Variants in ESRRG observed in about 807,000 individuals in gnomAD.
ESRRG encodes estrogen-related receptor gamma.
Under a neutral mutation model 44.0 loss-of-function variants are expected in ESRRG, and 13 were observed. The ratio of observed to expected loss-of-function variants is 0.30; its 90% CI spans 0.19 to 0.47. ESRRG has a LOEUF of 0.47. Among genes scored for constraint, ESRRG ranks in the 20% least tolerant of loss-of-function variants. ESRRG has a pLI of 1.00. For missense variants in ESRRG, 395 were observed against 580.6 expected (o/e 0.68, Z 3.29); for synonymous variants, 215 against 214.6 (o/e 1.00, Z -0.02).
chr1:216,783,102 G>T (rs1191583752), intron 2 of ESRRG, among the ~76,000 whole-genome samples: 1 of 151,940 alleles, frequency 6.6e-6, no homozygotes, highest in African/African-American at 2.4e-5. Context: ...TCTCACGGTG[G>T]CTGGGATTCC....
At position 216,935,850 on chromosome 1, in the gene ESRRG, C is replaced by T. The variant is rs148859618; in HGVS notation, c.-14+3732G>A. 4.5e-3 allele frequency among the ~76,000 whole-genome samples: 677 copies of T among 152,126 alleles called. 18 individuals are homozygous for T. The highest frequency in any genetic ancestry group is 0.038 in the Admixed American group (578 of 15,282). On this transcript the variant is annotated intron_variant, in intron 2 of 7. Coordinates refer to the ESRRG transcript ENST00000359162. ...CAGGCTGGTCTTGAACTCCTGACCT[C>T]GTGACCTGCCTGCCTCGGCCTCCCA... is the stretch of plus-strand genomic sequence containing the variant.
intron 1 of ESRRG, among the ~76,000 whole-genome samples, chr1:217,038,458 T>A (rs555570828): frequency 1.3e-5 from 2 of 152,220 alleles, no homozygotes; most frequent in Non-Finnish European, 2.9e-5. Flanking sequence ...AGTGATATGG[T>A]TTGGCTCTGT....
intron 4 of ESRRG, among the ~76,000 whole-genome samples, chr1:216,565,708 T>C (rs868558855): frequency 2.0e-5 from 3 of 152,274 alleles, no homozygotes; most frequent in Middle Eastern, 3.4e-3. Context: ...TCAAATTGAG[T>C]AGGCAGATTT....
At chr1:216,720,556 T>C (rs1037182865) in intron 1 of ESRRG, among the ~76,000 whole-genome samples, 51 of 152,142 alleles carry the variant, frequency 3.4e-4, no homozygotes, top group African/African-American at 1.1e-3. Context: ...TCCCCTCTGA[T>C]CTCGGCTTTT....
chr1:216,748,859 T>C (rs1206788731), intron 2 of ESRRG, among the ~76,000 whole-genome samples: 1 of 152,024 alleles, frequency 6.6e-6, no homozygotes, highest in Non-Finnish European at 1.5e-5. Context: ...GTGAGTGTGG[T>C]CTCCTTGGGG....
chr1:216,921,857 T>G (rs1560119951), intron 2 of ESRRG, among the ~76,000 whole-genome samples: 1 of 152,226 alleles, frequency 6.6e-6, no homozygotes, highest in Non-Finnish European at 1.5e-5. Context: ...ACTCAAGAAA[T>G]ATTTATGAGA....
intron 3 of ESRRG, among the ~76,000 whole-genome samples, chr1:216,571,334 T>A (rs113709678): frequency 1.3e-5 from 2 of 152,098 alleles, no homozygotes; most frequent in African/African-American, 4.8e-5. Context: ...TCCCAGGTAC[T>A]CAGGAGGCTG....
intron 1 of ESRRG, among the ~76,000 whole-genome samples, chr1:217,112,898 G>A (rs2092675892): frequency 6.6e-6 from 1 of 152,178 alleles, no homozygotes; most frequent in South Asian, 2.1e-4. Context: ...AAGAGAATGT[G>A]TAAGCATCTG....
chr1:216,713,278 C>T (rs1033538127), intron 1 of ESRRG, among the ~76,000 whole-genome samples: 1 of 150,852 alleles, frequency 6.6e-6, no homozygotes, highest in South Asian at 2.1e-4. Flanking sequence ...AAGGGAGGTG[C>T]TTTAAGATGG....
intron 2 of ESRRG, among the ~76,000 whole-genome samples, chr1:216,807,728 T>G (rs887468550): frequency 2.0e-5 from 3 of 146,856 alleles, no homozygotes; most frequent in Non-Finnish European, 4.6e-5. Context: ...AAAAAAAAAA[T>G]CATGAATTGT....
intron 1 of ESRRG, among the ~76,000 whole-genome samples, chr1:216,720,435 T>C (rs976774589): frequency 6.6e-6 from 1 of 152,134 alleles, no homozygotes; most frequent in African/African-American, 2.4e-5. Context: ...GTCTAGAGTT[T>C]AAGTATTCTT....
intron 1 of ESRRG, among the ~76,000 whole-genome samples, chr1:216,957,526 CTT>C (rs1353647887): frequency 6.6e-6 from 1 of 152,124 alleles, no homozygotes; most frequent in Non-Finnish European, 1.5e-5. Flanking sequence ...AGCCCCAAAA[CTT>C]CAGAAACATC....
intron 1 of ESRRG, among the ~76,000 whole-genome samples, chr1:217,026,908 C>CAGAGAGAGAGAG (rs1254896528): frequency 0.013 from 1,200 of 90,282 alleles, 12 homozygotes; most frequent in South Asian, 0.041. Context: ...CACACACACA[C>CAGAGAGAGAGAG]ACACAGAGAG....
chr1:217,084,845 T>G (rs2091983253), intron 1 of ESRRG, among the ~76,000 whole-genome samples: 1 of 152,192 alleles, frequency 6.6e-6, no homozygotes, highest in South Asian at 2.1e-4. Context: ...CTTTTTTGTG[T>G]GTGTGATAAC....
At chr1:217,060,826 A>AGAT in intron 1 of ESRRG, among the ~76,000 whole-genome samples, 1 of 145,844 alleles carries the variant, frequency 6.9e-6, no homozygotes, top group Admixed American at 6.8e-5. Context: ...ATAGATAGAT[A>AGAT]GATAGAAAAA....
At chr1:217,006,904 A>G (rs77195866) in intron 1 of ESRRG, among the ~76,000 whole-genome samples, 5,018 of 152,164 alleles carry the variant, frequency 0.033, 254 homozygotes, top group African/African-American at 0.11. Context: ...AACTGTGGTC[A>G]AAGTAATTTT....
At chr1:217,070,579 C>T (rs1345444599) in intron 1 of ESRRG, among the ~76,000 whole-genome samples, 1 of 152,152 alleles carries the variant, frequency 6.6e-6, no homozygotes, top group Non-Finnish European at 1.5e-5. Flanking sequence ...CAAGGTTTCA[C>T]CACATTGGCC....
intron 2 of ESRRG, among the ~76,000 whole-genome samples, chr1:216,798,876 A>C (rs922967636): frequency 4.6e-5 from 7 of 152,140 alleles, no homozygotes; most frequent in African/African-American, 9.7e-5. Context: ...CATTTAAACC[A>C]CTGCTTGACT....
chr1:216,901,642 G>A (rs1330000660), intron 2 of ESRRG, among the ~76,000 whole-genome samples: 5 of 152,138 alleles, frequency 3.3e-5, no homozygotes, highest in Non-Finnish European at 7.4e-5. Flanking sequence ...AAGTATTGGG[G>A]TTACAGGTGT....
Sources: gnomAD v4.1 joint callset for allele counts (sites outside exome capture counted in the v4.1 genomes callset) on GRCh38, gnomAD v4.1.1 for gene constraint, MANE v1.5 for transcripts, NCBI Gene and HGNC (gene_info 2026-07-23, HGNC 2026-07-21) for gene names.